ADAM12: variants seen among roughly 807,000 people sequenced by gnomAD.
ADAM12 encodes disintegrin and metalloproteinase domain-containing protein 12.
ADAM12 carries 70 observed loss-of-function variants against 106.4 expected under a neutral mutation model. That is an observed-to-expected ratio of 0.66 (90% CI 0.54 to 0.80). The LOEUF (loss-of-function observed/expected upper bound fraction) is 0.80. Among genes scored for constraint, ADAM12 ranks in the 30% least tolerant of loss-of-function variants. The pLI is 0.00. For synonymous variants in ADAM12, 420 were observed against 433.5 expected, an observed-to-expected ratio of 0.97 and a Z score of 0.39; for missense variants, 1,010 against 1,171.9, an observed-to-expected ratio of 0.86 and a Z score of 2.02.
chr10:126,337,627 T>C (rs1474472459), intron 1 of ADAM12, among the ~76,000 whole-genome samples: 3 of 152,056 alleles, frequency 2.0e-5, no homozygotes, highest in African/African-American at 7.2e-5. Context: ...CAAATGCCAA[T>C]CTCCTCTGGC....
intron 4 of ADAM12, among the ~76,000 whole-genome samples, chr10:126,144,295 G>A (rs533393537): frequency 1.6e-4 from 25 of 152,252 alleles, no homozygotes; most frequent in South Asian, 6.2e-4. Flanking sequence ...ATAATGGGAC[G>A]GGCACTTAGT....
intron 3 of ADAM12, among the ~76,000 whole-genome samples, chr10:126,213,879 T>A (rs1397598806): frequency 6.6e-6 from 1 of 152,168 alleles, no homozygotes; most frequent in African/African-American, 2.4e-5. Context: ...TCCATAGACA[T>A]AGCAAAAGCA....
chr10:126,053,474 G>A lies in ADAM12; in HGVS notation c.1610-3805C>T, dbSNP rs1396449162. Among the ~76,000 whole-genome samples the A allele has an allele frequency of 2.0e-5, 3 of 152,078 alleles. No individual in the cohort carries two copies. Among genetic ancestry groups the A allele is most frequent in the Non-Finnish European group, 2.9e-5 (2 of 68,014 alleles). On this transcript the variant is annotated intron_variant, in intron 14 of 22. Coordinates refer to ENST00000448723, the MANE Select transcript of ADAM12 (RefSeq NM_001288973.2). The surrounding 1 kb of genome is among the most constrained non-coding windows in gnomAD (Gnocchi z 4.6). ...AGCAGAAGGCCACCTGGCATTTCAG[G>A]AGCACCGCCATTCTCCCAAAGACAA...
chr10:126,042,895 C>T (rs1260529707), intron 18 of ADAM12, 145 bp downstream of exon 18: 10 of 682,394 alleles, frequency 1.5e-5, no homozygotes, highest in Admixed American at 2.9e-5. Context: ...CTGGAAACTG[C>T]GGGAGACCCT....
At chr10:126,167,319 G>T (rs1302317711) in intron 3 of ADAM12, among the ~76,000 whole-genome samples, 1 of 152,168 alleles carries the variant, frequency 6.6e-6, no homozygotes, top group Non-Finnish European at 1.5e-5. Context: ...AGCTCTTATT[G>T]CTATACTTAT....
At chr10:126,088,602 C>T (rs898608037) in intron 11 of ADAM12, among the ~76,000 whole-genome samples, 5 of 151,436 alleles carry the variant, frequency 3.3e-5, no homozygotes, top group African/African-American at 9.7e-5. Context: ...CCCAGCTACT[C>T]GGGAGGCTGA....
intron 1 of ADAM12, among the ~76,000 whole-genome samples, chr10:126,358,971 T>C (rs1438798970): frequency 2.0e-5 from 3 of 152,180 alleles, no homozygotes; most frequent in African/African-American, 7.2e-5. Flanking sequence ...GTACTTACAG[T>C]TCCACATGGC....
At chr10:126,301,797 C>T (rs530471463) in intron 2 of ADAM12, among the ~76,000 whole-genome samples, 96 of 152,286 alleles carry the variant, frequency 6.3e-4, no homozygotes, top group African/African-American at 2.2e-3. Context: ...TACTCTCTTC[C>T]CATCCAGATT....
chr10:126,334,964 T>C (rs980456155), intron 1 of ADAM12, among the ~76,000 whole-genome samples: 1 of 152,196 alleles, frequency 6.6e-6, no homozygotes, highest in Admixed American at 6.5e-5. Flanking sequence ...GTCTACAAAA[T>C]GAAAACTGCA....
chr10:126,346,219 G>A (rs1855133782), intron 1 of ADAM12, among the ~76,000 whole-genome samples: 1 of 152,024 alleles, frequency 6.6e-6, no homozygotes, highest in African/African-American at 2.4e-5. Flanking sequence ...CTGGTATGTT[G>A]TGTCTTTGTT....
chr10:126,032,115 G>A (rs899087824), intron 21 of ADAM12, among the ~76,000 whole-genome samples: 4 of 152,098 alleles, frequency 2.6e-5, no homozygotes, highest in Non-Finnish European at 5.9e-5. Context: ...CAGTTTAAAT[G>A]TGAGGTGGAC....
At chr10:126,186,352 T>C (rs1957399553) in intron 3 of ADAM12, among the ~76,000 whole-genome samples, 1 of 152,154 alleles carries the variant, frequency 6.6e-6, no homozygotes, top group South Asian at 2.1e-4. Context: ...TGGAGCAATG[T>C]GGTGCTTGGT....
At chr10:126,072,873 C>G (rs568875034) in intron 11 of ADAM12, among the ~76,000 whole-genome samples, 1 of 152,272 alleles carries the variant, frequency 6.6e-6, no homozygotes, top group South Asian at 2.1e-4. Context: ...GACATTAGAA[C>G]TGGATCTCAA....
rs7083850 is a variant in ADAM12, at chr10:126,147,244, G to A, written c.339+7983C>T. Among the ~76,000 whole-genome samples the A allele has an allele frequency of 5.1e-3, 780 of 152,264 alleles. 6 individuals are homozygous for A. The highest frequency in any genetic ancestry group is 0.018 in the African/African-American group (752 of 41,540). ...CCTGATCATGTCTAAGGGGAGACATGTTTCCTTCCTTTCATTCCGTGCACC... is the reference window on the plus strand; with the variant it reads ...CCTGATCATGTCTAAGGGGAGACATATTTCCTTCCTTTCATTCCGTGCACC... On this transcript the variant is annotated intron_variant, in intron 4 of 22. Coordinates refer to ENST00000448723, the MANE Select transcript of ADAM12 (RefSeq NM_001288973.2).
intron 4 of ADAM12, among the ~76,000 whole-genome samples, chr10:126,142,228 A>G (rs753571581): frequency 3.3e-5 from 5 of 152,196 alleles, no homozygotes; most frequent in Non-Finnish European, 5.9e-5. Flanking sequence ...ACACAGAAAT[A>G]CAGAGGAGTG....
At chr10:126,040,732 CA>C (rs1349837936) in intron 18 of ADAM12, among the ~76,000 whole-genome samples, 1 of 152,132 alleles carries the variant, frequency 6.6e-6, no homozygotes, top group African/African-American at 2.4e-5. Flanking sequence ...AAGTGAACAG[CA>C]AAAATCTTGA....
intron 1 of ADAM12, among the ~76,000 whole-genome samples, chr10:126,340,056 C>T (rs1199255961): frequency 1.3e-5 from 2 of 151,774 alleles, no homozygotes; most frequent in Non-Finnish European, 2.9e-5. Flanking sequence ...GGTTTCACCA[C>T]ATTGGCCAGC....
chr10:126,241,752 TGTAA>T (rs1958528543), intron 3 of ADAM12, among the ~76,000 whole-genome samples: 1 of 152,188 alleles, frequency 6.6e-6, no homozygotes, highest in African/African-American at 2.4e-5. Flanking sequence ...AGGACATCAC[TGTAA>T]GTATTAGAAA....
At chr10:126,338,968 A>C (rs368414422) in intron 1 of ADAM12, among the ~76,000 whole-genome samples, 105 of 152,322 alleles carry the variant, frequency 6.9e-4, no homozygotes, top group African/African-American at 2.4e-3. Flanking sequence ...CTCCATGTAA[A>C]GGCATTCTCT....
Sources: gnomAD v4.1 joint callset for allele counts (sites outside exome capture counted in the v4.1 genomes callset) on GRCh38, gnomAD v4.1.1 for gene constraint, Gnocchi (gnomAD v3.1) non-coding constraint, MANE v1.5 for transcripts, NCBI Gene and HGNC (gene_info 2026-07-23, HGNC 2026-07-21) for gene names.